CFAP43: variants seen among roughly 807,000 people sequenced by gnomAD.
The protein encoded by CFAP43 is cilia- and flagella-associated protein 43.
A neutral mutation model predicts 218.9 loss-of-function variants in CFAP43; 155 were observed. The ratio of observed to expected loss-of-function variants is 0.71; its 90% CI spans 0.62 to 0.81. The LOEUF is 0.81. CFAP43 is among the 30% of genes least tolerant of loss of function. CFAP43 has a pLI of 0.00. For missense variants in CFAP43, 1,778 were observed against 1,954.3 expected (o/e 0.91, Z 1.70); for synonymous variants, 645 against 681.3 (o/e 0.95, Z 0.83).
chr10:104,135,060 C>T (rs1242754050), intron 34 of CFAP43, among the ~76,000 whole-genome samples: 1 of 151,862 alleles, frequency 6.6e-6, no homozygotes, highest in South Asian at 2.1e-4. Context: ...CCTAAGATTG[C>T]AAGAGTAGTC....
intron 26 of CFAP43, 61 bp downstream of exon 26, chr10:104,161,900 A>G (rs1302160685): frequency 5.3e-6 from 8 of 1,517,178 alleles, no homozygotes; most frequent in Non-Finnish European, 7.2e-6. Flanking sequence ...CAAAAATGGT[A>G]AAACTTAAGT....
In CFAP43 at chr10:104,205,165, A is replaced by T. The variant is rs568532865; in HGVS notation, c.963+798T>A. On this transcript the variant is annotated intron_variant, in intron 7 of 37. Transcript: ENST00000357060. ...GAGTTGGAGCTTGCAGTGAGCCGAG[A>T]TCGCGCCACTGTACTCCAGCCTGGG... Among the ~76,000 whole-genome samples, 10 of 142,808 alleles carry T rather than the reference A, an allele frequency of 7.0e-5. No homozygotes were observed. In the East Asian group the frequency reaches 2.2e-3, roughly 31 times the overall value. The allele number at this position is 142,808 out of a possible 152,430, so 93.7% of individuals were successfully genotyped here.
At chr10:104,146,901 C>T (rs544417747) in intron 29 of CFAP43, among the ~76,000 whole-genome samples, 1 of 152,180 alleles carries the variant, frequency 6.6e-6, no homozygotes, top group Non-Finnish European at 1.5e-5. Context: ...TGAGTTGTCC[C>T]GCTTCTAATT....
In CFAP43 at chr10:104,133,788, TAA is replaced by T; in HGVS notation, c.4432-6_4432-5del. 1 of 1,599,054 alleles carries T rather than the reference TAA, an allele frequency of 6.3e-7. No individual in the cohort carries two copies. Among genetic ancestry groups the T allele is most frequent in the Non-Finnish European group, 8.5e-7 (1 of 1,174,174 alleles). Reference sequence around the variant, plus strand: ...CAACTTTCTTTTGTCCTTGAGTCTTTAAAAAAGTACATTAGATATCCATATAA... The same window carrying T: ...CAACTTTCTTTTGTCCTTGAGTCTTTAAAAGTACATTAGATATCCATATAA... On this transcript the variant is annotated splice_polypyrimidine_tract_variant and splice_region_variant and intron_variant, in intron 34 of 37. Coordinates refer to ENST00000357060, the MANE Select transcript of CFAP43 (RefSeq NM_025145.7).
intron 34 of CFAP43, among the ~76,000 whole-genome samples, chr10:104,135,926 T>G (rs1339119407): frequency 6.6e-6 from 1 of 151,988 alleles, no homozygotes; most frequent in Non-Finnish European, 1.5e-5. Flanking sequence ...AAAAGTTGGA[T>G]GGCTAACATT....
At chr10:104,212,370 AT>A (rs869062666) in intron 4 of CFAP43, among the ~76,000 whole-genome samples, 2 of 152,244 alleles carry the variant, frequency 1.3e-5, no homozygotes, top group Non-Finnish European at 2.9e-5. Flanking sequence ...GATTATAAAA[AT>A]TTTTGAAAGT....
At chr10:104,197,881 G>A (rs772507741) in intron 9 of CFAP43, 41 bp downstream of exon 9, 13 of 1,321,338 alleles carry the variant, frequency 9.8e-6, no homozygotes, top group South Asian at 6.2e-5. Context: ...CAACATCATC[G>A]TATCTTTAGT....
chr10:104,156,903 G>A (rs2088577659), intron 27 of CFAP43, among the ~76,000 whole-genome samples: 1 of 152,076 alleles, frequency 6.6e-6, no homozygotes. Flanking sequence ...TTTCTTTCAA[G>A]GACGCAGGAG....
intron 16 of CFAP43, 26 bp downstream of exon 16, chr10:104,184,990 G>T (rs760673598): frequency 5.0e-6 from 8 of 1,612,102 alleles, no homozygotes; most frequent in Middle Eastern, 1.7e-4. Flanking sequence ...TACTACATGG[G>T]GTTACTTACT....
intron 32 of CFAP43, among the ~76,000 whole-genome samples, chr10:104,142,785 C>T (rs535323989): frequency 6.6e-6 from 1 of 152,116 alleles, no homozygotes; most frequent in East Asian, 1.9e-4. Flanking sequence ...GATTCTCTTC[C>T]CAAATAAAGA....
intron 14 of CFAP43, 79 bp downstream of exon 14, chr10:104,187,241 A>G: frequency 8.2e-7 from 1 of 1,226,558 alleles, no homozygotes; most frequent in Non-Finnish European, 1.1e-6. Flanking sequence ...AAAGTGGTCA[A>G]GAGGATCACA....
chr10:104,149,334 G>T (rs945831371), intron 28 of CFAP43, among the ~76,000 whole-genome samples: 7 of 152,188 alleles, frequency 4.6e-5, no homozygotes, highest in African/African-American at 1.4e-4. Flanking sequence ...TCCGTTGAGA[G>T]ATGCAAAATG....
chr10:104,185,846 T>C, intron 15 of CFAP43, 128 bp downstream of exon 15: 1 of 689,632 alleles, frequency 1.5e-6, no homozygotes, highest in South Asian at 2.4e-5. Context: ...AGCAAGGTAA[T>C]TAGTACCTTC....
rs377609282 is a variant in CFAP43, at chr10:104,131,306, G to A, written c.4831+25C>T. On this transcript the variant is annotated intron_variant, in intron 37 of 37. Coordinates refer to ENST00000357060, the MANE Select transcript of CFAP43 (RefSeq NM_025145.7). ...TTACTTTTAAAGAAACCTACAGTTGGTTAAAGAAAAAAAAGCATGCTTACC... is the reference window on the plus strand; with the variant it reads ...TTACTTTTAAAGAAACCTACAGTTGATTAAAGAAAAAAAAGCATGCTTACC... 6.4e-5 allele frequency: 102 copies of A among 1,594,988 alleles called. No individual in the cohort carries two copies. The African/African-American group carries it at 1.1e-3, about 17-fold the overall frequency.
chr10:104,204,008 T>C (rs2090609589), intron 7 of CFAP43, among the ~76,000 whole-genome samples: 1 of 152,244 alleles, frequency 6.6e-6, no homozygotes, highest in Non-Finnish European at 1.5e-5. Flanking sequence ...TGATCTCTTT[T>C]GTGATGCATT....
At chr10:104,218,264 C>T (rs953554065) in intron 3 of CFAP43, among the ~76,000 whole-genome samples, 7 of 144,892 alleles carry the variant, frequency 4.8e-5, no homozygotes, top group African/African-American at 1.5e-4. Flanking sequence ...AGGAGAATGG[C>T]GTGAACCCGG....
At position 104,157,719 on chromosome 10, in the gene CFAP43, G is replaced by T. The variant is rs562549855; in HGVS notation, c.3540+3318C>A. 4.1e-5 allele frequency among the ~76,000 whole-genome samples: 6 copies of T among 147,820 alleles called. No individual in the cohort carries two copies. The South Asian group carries it at 8.8e-4, about 22-fold the overall frequency. ...GTGCTGTCGAATTGGAATTGAGTTG[G>T]AATTGGAGCTAACTGGATGTGTGTG... On this transcript the variant is annotated intron_variant, in intron 27 of 37. Coordinates refer to ENST00000357060, the MANE Select transcript of CFAP43 (RefSeq NM_025145.7).
intron 10 of CFAP43, among the ~76,000 whole-genome samples, chr10:104,195,483 C>T (rs2090357806): frequency 6.6e-6 from 1 of 152,110 alleles, no homozygotes; most frequent in African/African-American, 2.4e-5. Flanking sequence ...TTCAAGTTTT[C>T]TCAGTAAGAA....
At chr10:104,132,013 G>T (rs1014866825) in intron 36 of CFAP43, 103 bp downstream of exon 36, 21 of 873,034 alleles carry the variant, frequency 2.4e-5, no homozygotes, top group African/African-American at 1.2e-4. Flanking sequence ...AAATAACCAA[G>T]ATTTTATTAG....
Sources: gnomAD v4.1 joint callset for allele counts (sites outside exome capture counted in the v4.1 genomes callset) on GRCh38, gnomAD v4.1.1 for gene constraint, MANE v1.5 for transcripts, NCBI Gene and HGNC (gene_info 2026-07-23, HGNC 2026-07-21) for gene names.